The following ITPR2 variants were observed in gnomAD, a reference collection of about 807,000 sequenced individuals.
ITPR2 encodes the protein inositol 1,4,5-trisphosphate-gated calcium channel ITPR2.
Under a neutral mutation model 317.1 loss-of-function variants are expected in ITPR2, and 207 were observed. The ratio of observed to expected loss-of-function variants is 0.65; its 90% CI spans 0.58 to 0.73. The LOEUF (loss-of-function observed/expected upper bound fraction) is 0.73. Ranked by LOEUF, ITPR2 falls within the 30% of genes least tolerant of loss-of-function variation. The pLI is 0.00. For missense variants in ITPR2, 2,613 were observed against 3,284.0 expected (o/e 0.80, Z 4.99); for synonymous variants, 1,156 against 1,149.1 (o/e 1.01, Z -0.12).
intron 1 of ITPR2, among the ~76,000 whole-genome samples, chr12:26,799,284 A>G (rs1190425626): frequency 6.6e-6 from 1 of 152,234 alleles, no homozygotes; most frequent in Admixed American, 6.5e-5. Flanking sequence ...AAGTACTACT[A>G]AAAATACTGG....
chr12:26,634,590 A>G (rs1379484943), intron 21 of ITPR2, among the ~76,000 whole-genome samples: 1 of 152,190 alleles, frequency 6.6e-6, no homozygotes, highest in Non-Finnish European at 1.5e-5. Context: ...AGTACAAAGT[A>G]AGAAGGAAGG....
intron 2 of ITPR2, among the ~76,000 whole-genome samples, chr12:26,782,305 A>G (rs1457850231): frequency 1.3e-5 from 2 of 151,922 alleles, no homozygotes; most frequent in East Asian, 3.9e-4. Flanking sequence ...TAAATTGACA[A>G]ACAGGAGCCT....
At chr12:26,605,120 A>AAAATATATATATATATAT (rs1465336732) in intron 26 of ITPR2, among the ~76,000 whole-genome samples, 1 of 104,250 alleles carries the variant, frequency 9.6e-6, no homozygotes, top group African/African-American at 3.9e-5. Context: ...AAAAATAAAA[A>AAAATATATATATATATAT]ATAAAAATAT....
intron 37 of ITPR2, among the ~76,000 whole-genome samples, chr12:26,544,845 G>A (rs188307822): frequency 5.3e-5 from 8 of 152,166 alleles, no homozygotes; most frequent in African/African-American, 1.9e-4. Context: ...TTACAGGGCA[G>A]GTATTGGGTA....
chr12:26,707,585 G>T (rs544687068), intron 9 of ITPR2, among the ~76,000 whole-genome samples: 1 of 152,266 alleles, frequency 6.6e-6, no homozygotes, highest in Non-Finnish European at 1.5e-5. Flanking sequence ...ACGCTGAAGT[G>T]CAATGGCACG....
intron 54 of ITPR2, 88 bp downstream of exon 54, chr12:26,398,788 G>T: frequency 8.9e-7 from 1 of 1,127,532 alleles, no homozygotes; most frequent in South Asian, 1.5e-5. Context: ...TAATTTTTCC[G>T]AAAGCATGAA....
chr12:26,809,574 C>T (rs1412841886), intron 1 of ITPR2, among the ~76,000 whole-genome samples: 1 of 152,174 alleles, frequency 6.6e-6, no homozygotes. Flanking sequence ...GTATGACCTT[C>T]TATCCATATC....
Position 26,487,118 on chromosome 12 carries a change from T to C in ITPR2, c.5504A>G (p.Lys1835Arg), listed in dbSNP as rs1431525515. 2 of 1,612,886 alleles carry C rather than the reference T, an allele frequency of 1.2e-6. No homozygotes were observed. The highest frequency in any genetic ancestry group is 8.5e-7 in the Non-Finnish European group (1 of 1,179,628). ...VTVNTIDLGN[K>R]KRDDDNELMT... is the part of the protein sequence containing the mutation. ...CAATTCATTGTCATCGTCCCTTTTT[T>C]TGTTACCTAAATCTATGGTATTAAC... The change falls in exon 40 of 57, where the codon AAA becomes AGA. Residue 1835 changes from lysine to arginine, a missense_variant. Around this residue, in one of 9 missense-constraint regions of ITPR2, gnomAD observed 926 missense variants for 1,072.8 expected, o/e 0.86. Transcript: ENST00000381340.
chr12:26,759,716 G>A (rs749712931), intron 2 of ITPR2, among the ~76,000 whole-genome samples: 14 of 152,174 alleles, frequency 9.2e-5, no homozygotes, highest in African/African-American at 1.7e-4. Context: ...TGACAAGCCC[G>A]ACAACAAGGG....
chr12:26,775,959 T>TATATATATATACATA (rs1263788006), intron 2 of ITPR2, among the ~76,000 whole-genome samples: 4 of 145,172 alleles, frequency 2.8e-5, no homozygotes, highest in East Asian at 2.0e-4. Context: ...TATATGTATA[T>TATATATATATACATA]CCTATTAGTT....
At chr12:26,818,132 T>C (rs1950889229) in intron 1 of ITPR2, among the ~76,000 whole-genome samples, 1 of 152,256 alleles carries the variant, frequency 6.6e-6, no homozygotes, top group South Asian at 2.1e-4. Flanking sequence ...TTAGAATTTA[T>C]TGGATTAATT....
intron 37 of ITPR2, among the ~76,000 whole-genome samples, chr12:26,529,438 GC>G (rs779085009): frequency 1.1e-4 from 16 of 152,128 alleles, no homozygotes; most frequent in Non-Finnish European, 2.4e-4. Flanking sequence ...GCCCAGGATG[GC>G]TGCATGGCCT....
chr12:26,490,982 T>A (rs940004520), intron 39 of ITPR2, among the ~76,000 whole-genome samples: 2 of 152,012 alleles, frequency 1.3e-5, no homozygotes, highest in Admixed American at 6.5e-5. Flanking sequence ...GAAAGCAGCA[T>A]GAGAAATAAC....
At chr12:26,613,364 G>A (rs975780635) in intron 26 of ITPR2, among the ~76,000 whole-genome samples, 1 of 152,084 alleles carries the variant, frequency 6.6e-6, no homozygotes, top group African/African-American at 2.4e-5. Context: ...ATGACAAAGT[G>A]CAGAGAAATC....
intron 1 of ITPR2, among the ~76,000 whole-genome samples, chr12:26,813,378 T>G (rs1044651353): frequency 6.6e-6 from 1 of 152,228 alleles, no homozygotes; most frequent in African/African-American, 2.4e-5. Context: ...AGACACAAGA[T>G]AAGCTACTTG....
chr12:26,390,318 G>A (rs1471494795), intron 54 of ITPR2, among the ~76,000 whole-genome samples: 1 of 152,156 alleles, frequency 6.6e-6, no homozygotes, highest in African/African-American at 2.4e-5. Context: ...CATGTTCATA[G>A]CAGCATTATT....
At chr12:26,671,263 T>C (rs1444810077) in intron 13 of ITPR2, among the ~76,000 whole-genome samples, 1 of 151,960 alleles carries the variant, frequency 6.6e-6, no homozygotes, top group East Asian at 1.9e-4. Flanking sequence ...TCACCAAAGT[T>C]GAAATGAAGG....
chr12:26,826,940 T>A (rs1415898244), intron 1 of ITPR2, among the ~76,000 whole-genome samples: 1 of 152,144 alleles, frequency 6.6e-6, no homozygotes, highest in Non-Finnish European at 1.5e-5. Flanking sequence ...AATGTGAATA[T>A]CTGTTGTCAT....
intron 55 of ITPR2, among the ~76,000 whole-genome samples, chr12:26,382,284 C>T (rs542579688): frequency 2.0e-5 from 3 of 152,236 alleles, no homozygotes; most frequent in Admixed American, 2.0e-4. Flanking sequence ...CCTTGATCTA[C>T]TCATATTTCC....
Sources: allele counts gnomAD v4.1 joint callset (sites outside exome capture counted in the v4.1 genomes callset), GRCh38; gene constraint gnomAD v4.1.1; regional missense constraint gnomAD v4.1.1; transcripts MANE v1.5; gene names NCBI Gene and HGNC (gene_info 2026-07-23, HGNC 2026-07-21).